Variants in FBXW7 observed in about 807,000 individuals in gnomAD.
FBXW7 encodes F-box and WD repeat domain containing 7, also known as F-box/WD repeat-containing protein 7.
FBXW7 carries 11 observed loss-of-function variants against 86.3 expected under a neutral mutation model. That is an observed-to-expected ratio of 0.13 (90% CI 0.08 to 0.21). FBXW7 has a LOEUF of 0.21. FBXW7 is among the 10% of genes least tolerant of loss of function. The pLI is 1.00. For synonymous variants in FBXW7, 313 were observed against 297.9 expected, an observed-to-expected ratio of 1.05 and a Z score of -0.52; for missense variants, 488 against 847.4, an observed-to-expected ratio of 0.58 and a Z score of 5.27.
intron 2 of FBXW7, among the ~76,000 whole-genome samples, chr4:152,435,006 C>A (rs1740256277): frequency 7.3e-6 from 1 of 136,068 alleles, no homozygotes. Flanking sequence ...TAATATTCTG[C>A]CTTCATTTGA....
At chr4:152,450,213 C>T (rs529416658) in intron 2 of FBXW7, among the ~76,000 whole-genome samples, 1 of 152,228 alleles carries the variant, frequency 6.6e-6, no homozygotes, top group South Asian at 2.1e-4. Context: ...TTTAAAAATC[C>T]TTTGGTAGAT....
In FBXW7 at chr4:152,408,405, T is replaced by A. The variant is rs567646349; in HGVS notation, c.501+2898A>T. Among the ~76,000 whole-genome samples the A allele has an allele frequency of 3.3e-5, 5 of 152,294 alleles. No individual in the cohort carries two copies. In the South Asian group the frequency reaches 1.0e-3, roughly 32 times the overall value. On this transcript the variant is annotated intron_variant, in intron 4 of 13. Coordinates refer to ENST00000281708, the MANE Select transcript of FBXW7 (RefSeq NM_001349798.2). ...GAGTTAAAACTGAAGAGACAGACAT[T>A]TGTATCTGGAGAAGCAAGATTTAGA... is the stretch of plus-strand genomic sequence containing the variant.
intron 4 of FBXW7, among the ~76,000 whole-genome samples, chr4:152,373,556 T>C (rs1734195872): frequency 6.6e-6 from 1 of 151,890 alleles, no homozygotes; most frequent in South Asian, 2.1e-4. Flanking sequence ...GCAGTATACT[T>C]AATATGAAAA....
At position 152,535,469 on chromosome 4, in the gene FBXW7, T is replaced by G; in HGVS notation, c.-555A>C. 1 of 391,048 alleles carries G rather than the reference T, an allele frequency of 2.6e-6. No individual in the cohort carries two copies. Among genetic ancestry groups the G allele is most frequent in the Non-Finnish European group, 4.5e-6 (1 of 221,680 alleles). 24.2% of individuals were successfully genotyped at this position (391,048 alleles called of 1,614,324 possible). A position where few individuals can be genotyped will look rare whatever the true frequency, so the allele number is the denominator to read the frequency against. On this transcript the variant is annotated 5_prime_UTR_variant, in exon 1 of 14. Transcript: ENST00000281708. ...TTCTCTCCGCCGCCCCAGCCGCCGC[T>G]TCACATCGGGGTCCCCGCCCCCCCG...
At chr4:152,394,939 A>G (rs1255841109) in intron 4 of FBXW7, among the ~76,000 whole-genome samples, 1 of 152,124 alleles carries the variant, frequency 6.6e-6, no homozygotes, top group Non-Finnish European at 1.5e-5. Flanking sequence ...ATGAGAATTA[A>G]TGCATTTGTT....
chr4:152,417,887 T>A (rs1014623039), intron 2 of FBXW7, among the ~76,000 whole-genome samples: 4 of 151,932 alleles, frequency 2.6e-5, no homozygotes, highest in East Asian at 1.9e-4. Context: ...AGTACTAGAA[T>A]GGGGATTGCT....
At chr4:152,516,393 G>A (rs1202859547) in intron 2 of FBXW7, among the ~76,000 whole-genome samples, 1 of 152,140 alleles carries the variant, frequency 6.6e-6, no homozygotes, top group African/African-American at 2.4e-5. Context: ...TCTAGGTTAG[G>A]TGCTCCTTAA....
At chr4:152,349,438 G>A (rs1731589233) in intron 5 of FBXW7, among the ~76,000 whole-genome samples, 1 of 151,940 alleles carries the variant, frequency 6.6e-6, no homozygotes, top group African/African-American at 2.4e-5. Flanking sequence ...CCTAATAACT[G>A]TGAGAGTGGG....
At chr4:152,444,758 T>G (rs983660284) in intron 2 of FBXW7, among the ~76,000 whole-genome samples, 4 of 152,200 alleles carry the variant, frequency 2.6e-5, no homozygotes, top group African/African-American at 9.6e-5. Context: ...ATTCCGGTGA[T>G]TCTTTCAATG....
intron 2 of FBXW7, among the ~76,000 whole-genome samples, chr4:152,429,376 TG>T (rs1032524942): frequency 1.4e-4 from 1 of 7,058 alleles, no homozygotes; most frequent in Non-Finnish European, 2.9e-4. Flanking sequence ...AGTTGGGTGG[TG>T]GGGGGCGGCG....
At chr4:152,447,138 T>C (rs1424419363) in intron 2 of FBXW7, among the ~76,000 whole-genome samples, 1 of 152,224 alleles carries the variant, frequency 6.6e-6, no homozygotes, top group Non-Finnish European at 1.5e-5. Context: ...ACTATTTGAG[T>C]ACATCAAAAA....
intron 2 of FBXW7, among the ~76,000 whole-genome samples, chr4:152,529,677 G>A (rs914005015): frequency 6.6e-6 from 1 of 152,056 alleles, no homozygotes; most frequent in African/African-American, 2.4e-5. Flanking sequence ...TAAAAATATA[G>A]CAATGCTGGC....
At chr4:152,522,561 T>C (rs1749124106) in intron 2 of FBXW7, among the ~76,000 whole-genome samples, 1 of 152,086 alleles carries the variant, frequency 6.6e-6, no homozygotes, top group Admixed American at 6.6e-5. Flanking sequence ...GACCAGGTAA[T>C]TTTTTTGTTG....
At chr4:152,371,822 A>T (rs1416857239) in intron 4 of FBXW7, among the ~76,000 whole-genome samples, 1 of 151,968 alleles carries the variant, frequency 6.6e-6, no homozygotes, top group Non-Finnish European at 1.5e-5. Context: ...AAATTAATTA[A>T]GCCATGTTCA....
intron 6 of FBXW7, among the ~76,000 whole-genome samples, chr4:152,338,316 C>T (rs1475613438): frequency 6.6e-6 from 1 of 151,914 alleles, no homozygotes. Context: ...TACATTCTTT[C>T]TAGTAAGCAC....
chr4:152,447,334 A>G (rs1395163068), intron 2 of FBXW7, among the ~76,000 whole-genome samples: 1 of 152,230 alleles, frequency 6.6e-6, no homozygotes, highest in African/African-American at 2.4e-5. Context: ...CAGTATTTTT[A>G]TGTGGTGGAG....
At chr4:152,358,875 C>T (rs559220404) in intron 4 of FBXW7, among the ~76,000 whole-genome samples, 1 of 152,192 alleles carries the variant, frequency 6.6e-6, no homozygotes. Flanking sequence ...AAGTGTCTTG[C>T]CCATGCTTAA....
chr4:152,433,936 AGT>A (rs1324847802), intron 2 of FBXW7, among the ~76,000 whole-genome samples: 2 of 152,242 alleles, frequency 1.3e-5, no homozygotes, highest in Non-Finnish European at 2.9e-5. Flanking sequence ...AACAGAATAC[AGT>A]TGTCCCTCAA....
At chr4:152,456,425 A>T (rs1474865169) in intron 2 of FBXW7, among the ~76,000 whole-genome samples, 2 of 150,758 alleles carry the variant, frequency 1.3e-5, no homozygotes, top group South Asian at 4.2e-4. Flanking sequence ...AGTCCCAGCT[A>T]CTCAGGAGGC....
Sources: gnomAD v4.1 joint callset for allele counts (sites outside exome capture counted in the v4.1 genomes callset) on GRCh38, gnomAD v4.1.1 for gene constraint, MANE v1.5 for transcripts, NCBI Gene and HGNC (gene_info 2026-07-23, HGNC 2026-07-21) for gene names.